DCBLD2: variants seen among roughly 807,000 people sequenced by gnomAD.
The protein encoded by DCBLD2 is discoidin, CUB and LCCL domain containing 2.
Under a neutral mutation model 86.8 loss-of-function variants are expected in DCBLD2, and 54 were observed. The ratio of observed to expected loss-of-function variants is 0.62; its 90% CI spans 0.50 to 0.78. The LOEUF is 0.78. DCBLD2 is among the 30% of genes least tolerant of loss of function. The pLI is 0.00. For synonymous variants in DCBLD2, 354 were observed against 341.3 expected (o/e 1.04, Z -0.41); for missense variants, 908 against 954.2 (o/e 0.95, Z 0.64).
intron 2 of DCBLD2, 64 bp downstream of exon 2, chr3:98,881,476 T>C (rs1432003691): frequency 2.8e-6 from 4 of 1,416,298 alleles, no homozygotes; most frequent in Non-Finnish European, 4.0e-6. Flanking sequence ...AATGTTAATA[T>C]CAAAAAAATA....
intron 1 of DCBLD2, among the ~76,000 whole-genome samples, chr3:98,899,167 T>C (rs772776292): frequency 5.3e-5 from 8 of 151,956 alleles, no homozygotes; most frequent in Non-Finnish European, 7.4e-5. Context: ...AAGAGAAATG[T>C]ATTTGTTAAA....
rs1433146069 is a variant in DCBLD2 at position 98,817,798 on chromosome 3, A to G, written c.1183T>C (p.Tyr395His). Reference sequence around the variant, plus strand: ...TCTTGCTCCACACCAGGCTCTCTGTACACAGTCCATTTCTGCCCATCATCA... The same window carrying G: ...TCTTGCTCCACACCAGGCTCTCTGTGCACAGTCCATTTCTGCCCATCATCA... ...YSDDGQKWTV[Y>H]REPGVEQDKI... Residue 395 changes from tyrosine (Y) to histidine (H), a missense_variant, in exon 9 of 16, where the codon TAC becomes CAC. Physicochemically the swap from Tyr to His is moderately conservative, Grantham distance 83. Transcript: ENST00000326840. 6.2e-7 allele frequency: 1 copy of G among 1,613,638 alleles called. No homozygotes were observed. The highest frequency in any genetic ancestry group is 8.5e-7 in the Non-Finnish European group (1 of 1,179,752).
chr3:98,861,239 T>C lies in DCBLD2; in HGVS notation c.434-11641A>G, dbSNP rs189043475. Among the ~76,000 whole-genome samples the C allele has an allele frequency of 1.2e-4, 19 of 152,188 alleles. No individual in the cohort carries two copies. The East Asian group carries it at 3.5e-3, about 28-fold the overall frequency. ...GATTCATAAAGCAAGTCCTTAGAGATCTACAAGGAGACTTAGACTCCCACA... is the reference window on the plus strand; with the variant it reads ...GATTCATAAAGCAAGTCCTTAGAGACCTACAAGGAGACTTAGACTCCCACA... On this transcript the variant is annotated intron_variant, in intron 2 of 15. Coordinates refer to ENST00000326840, the MANE Select transcript of DCBLD2 (RefSeq NM_080927.4).
At chr3:98,810,380 C>G (rs1012720670) in intron 12 of DCBLD2, among the ~76,000 whole-genome samples, 1 of 152,178 alleles carries the variant, frequency 6.6e-6, no homozygotes, top group Admixed American at 6.5e-5. Context: ...TGGGGAAAGT[C>G]AGAGAAAGTT....
chr3:98,830,402 T>C (rs1047243145), intron 3 of DCBLD2, among the ~76,000 whole-genome samples: 1 of 152,184 alleles, frequency 6.6e-6, no homozygotes, highest in Non-Finnish European at 1.5e-5. Flanking sequence ...CTATCTTGAG[T>C]TGATTTTTGG....
chr3:98,802,884 C>T (rs1240919397), intron 13 of DCBLD2, among the ~76,000 whole-genome samples: 2 of 152,080 alleles, frequency 1.3e-5, no homozygotes, highest in Non-Finnish European at 2.9e-5. Flanking sequence ...TTTCTGAGGG[C>T]TCTGTTCTGT....
chr3:98,874,892 C>T (rs1481856112), intron 2 of DCBLD2, among the ~76,000 whole-genome samples: 3 of 152,142 alleles, frequency 2.0e-5, no homozygotes, highest in Admixed American at 6.6e-5. Context: ...GGACTTCTAG[C>T]CTCCAAAACT....
chr3:98,831,944 G>T (rs977105403), intron 3 of DCBLD2, among the ~76,000 whole-genome samples: 1 of 152,068 alleles, frequency 6.6e-6, no homozygotes, highest in African/African-American at 2.4e-5. Flanking sequence ...GTTCTGTAGA[G>T]GTCTATTAGA....
chr3:98,851,181 T>C (rs182242173), intron 2 of DCBLD2, among the ~76,000 whole-genome samples: 1 of 152,346 alleles, frequency 6.6e-6, no homozygotes, highest in East Asian at 1.9e-4. Flanking sequence ...GACATGACTG[T>C]ATATTTAGAA....
At chr3:98,875,988 T>C (rs1434379243) in intron 2 of DCBLD2, among the ~76,000 whole-genome samples, 7 of 152,084 alleles carry the variant, frequency 4.6e-5, no homozygotes, top group Non-Finnish European at 1.0e-4. Flanking sequence ...AGTTGGGATA[T>C]AGGAAGAAGC....
intron 3 of DCBLD2, among the ~76,000 whole-genome samples, chr3:98,845,273 G>T (rs1039900856): frequency 6.6e-6 from 1 of 152,110 alleles, no homozygotes; most frequent in Non-Finnish European, 1.5e-5. Flanking sequence ...AAATGAAAGT[G>T]GAAGAGGACT....
At chr3:98,825,645 A>T (rs1307915632) in intron 3 of DCBLD2, among the ~76,000 whole-genome samples, 8 of 14,952 alleles carry the variant, frequency 5.4e-4, no homozygotes, top group African/African-American at 3.5e-3. Flanking sequence ...ATGTGTATTT[A>T]TATATATATA....
intron 1 of DCBLD2, among the ~76,000 whole-genome samples, chr3:98,887,425 C>T (rs1943582978): frequency 1.3e-5 from 2 of 151,974 alleles, no homozygotes; most frequent in Non-Finnish European, 2.9e-5. Context: ...ACTATATCAA[C>T]CTTGTAATTG....
intron 2 of DCBLD2, among the ~76,000 whole-genome samples, chr3:98,879,400 T>C (rs1453500248): frequency 6.6e-6 from 1 of 152,202 alleles, no homozygotes; most frequent in East Asian, 1.9e-4. Context: ...TTTTTTTCTT[T>C]TTTTGAGACG....
intron 1 of DCBLD2, chr3:98,890,251 T>C (rs904458181): frequency 6.6e-6 from 1 of 151,988 alleles, no homozygotes; most frequent in Admixed American, 6.6e-5. Flanking sequence ...ACTGGTGTTT[T>C]CTAAGAGGAG....
In DCBLD2 at chr3:98,882,313, A is replaced by G. The variant is rs112856303; in HGVS notation, c.206-546T>C. Among the ~76,000 whole-genome samples, 198 of 152,368 alleles carry G rather than the reference A, an allele frequency of 1.3e-3. 1 individual carries two copies. In the East Asian group the frequency reaches 0.016, roughly 13 times the overall value. On this transcript the variant is annotated intron_variant, in intron 1 of 15. Transcript: ENST00000326840. ...TAATAAATCCAATCTTCAAAAGAAGAGCAACTTAATTGTTCAAAAAGTGAA... is the reference window on the plus strand; with the variant it reads ...TAATAAATCCAATCTTCAAAAGAAGGGCAACTTAATTGTTCAAAAAGTGAA...
chr3:98,836,916 G>A (rs1202268002), intron 3 of DCBLD2, among the ~76,000 whole-genome samples: 2 of 80,504 alleles, frequency 2.5e-5, no homozygotes, highest in African/African-American at 9.8e-5. Flanking sequence ...TGGCCGGGCG[G>A]GGGGCTGACC....
intron 2 of DCBLD2, among the ~76,000 whole-genome samples, chr3:98,869,916 T>C (rs1449679718): frequency 1.3e-5 from 2 of 152,218 alleles, no homozygotes; most frequent in African/African-American, 4.8e-5. Context: ...CTACTAAAAA[T>C]GGAGTGCTAT....
intron 1 of DCBLD2, among the ~76,000 whole-genome samples, chr3:98,883,626 C>G (rs1206306823): frequency 6.6e-6 from 1 of 152,132 alleles, no homozygotes; most frequent in Admixed American, 6.6e-5. Context: ...GCAGCTGCTC[C>G]AACTGTACTG....
Sources: allele counts gnomAD v4.1 joint callset (sites outside exome capture counted in the v4.1 genomes callset), GRCh38; gene constraint gnomAD v4.1.1; transcripts MANE v1.5; gene names NCBI Gene and HGNC (gene_info 2026-07-23, HGNC 2026-07-21).